Variants in ANAPC5 observed in about 807,000 individuals in gnomAD.
The protein encoded by ANAPC5 is anaphase-promoting complex subunit 5.
ANAPC5 carries 60 observed loss-of-function variants against 91.3 expected under a neutral mutation model. That is an observed-to-expected ratio of 0.66 (90% CI 0.53 to 0.81). ANAPC5 has a LOEUF of 0.81. Among genes scored for constraint, ANAPC5 ranks in the 40% least tolerant of loss-of-function variants. The pLI, the probability that ANAPC5 is intolerant of heterozygous loss-of-function variation, is 0.00. For missense variants in ANAPC5, 690 were observed against 931.5 expected, an observed-to-expected ratio of 0.74 and a Z score of 3.37; for synonymous variants, 340 against 364.1, an observed-to-expected ratio of 0.93 and a Z score of 0.75.
At chr12:121,311,241 C>G (rs866903693) in intron 15 of ANAPC5, among the ~76,000 whole-genome samples, 3 of 152,076 alleles carry the variant, frequency 2.0e-5, no homozygotes, top group African/African-American at 7.2e-5. Flanking sequence ...GCCTGGACGA[C>G]TGAGTGAGAC....
intron 5 of ANAPC5, among the ~76,000 whole-genome samples, chr12:121,341,008 T>C (rs1279854467): frequency 6.6e-6 from 1 of 151,220 alleles, no homozygotes; most frequent in African/African-American, 2.4e-5. Context: ...TCCAAGAAAA[T>C]GAAAAAATAT....
In ANAPC5 at chr12:121,347,892, G is replaced by C; in HGVS notation, c.208-11C>G. The C allele has an allele frequency of 6.4e-6, 10 of 1,570,864 alleles. No individual in the cohort carries two copies. The highest frequency in any genetic ancestry group is 7.9e-6 in the Non-Finnish European group (9 of 1,141,662). On this transcript the variant is annotated splice_polypyrimidine_tract_variant and intron_variant, in intron 1 of 16. Coordinates refer to ENST00000261819, the MANE Select transcript of ANAPC5 (RefSeq NM_016237.5). Reference sequence around the variant, plus strand: ...TGTAATATCTGGGCCCTGTGTAAAGGAGAGATAGGGAGGTATGGATTTTAA... The same window carrying C: ...TGTAATATCTGGGCCCTGTGTAAAGCAGAGATAGGGAGGTATGGATTTTAA...
chr12:121,310,933 C>CAAAAAAA (rs35742192), intron 15 of ANAPC5, among the ~76,000 whole-genome samples: 2 of 61,086 alleles, frequency 3.3e-5, no homozygotes, highest in East Asian at 4.7e-4. Flanking sequence ...GACTCCATCT[C>CAAAAAAA]AAAAAAAAAA....
chr12:121,319,719 T>A lies in ANAPC5; in HGVS notation c.1615A>T (p.Asn539Tyr). ...TACCTATAAACACCCTCTATGCTAT[T>A]GAGAGCTGTGATTCCTGTAACAAGT... is the stretch of plus-strand genomic sequence containing the variant. ...DSLVTGITAL[N>Y]SIEGVYRKAV... Residue 539 changes from asparagine (N) to tyrosine (Y), a missense_variant, in exon 13 of 17, where the codon AAT (asparagine) becomes TAT (tyrosine). Coordinates refer to ENST00000261819, the MANE Select transcript of ANAPC5 (RefSeq NM_016237.5). 6.2e-7 allele frequency: 1 copy of A among 1,611,952 alleles called. No homozygotes were observed. Among genetic ancestry groups the A allele is most frequent in the Admixed American group, 1.7e-5 (1 of 59,742 alleles).
At chr12:121,341,420 A>G (rs546567318) in intron 5 of ANAPC5, among the ~76,000 whole-genome samples, 9 of 152,164 alleles carry the variant, frequency 5.9e-5, no homozygotes, top group Non-Finnish European at 1.0e-4. Context: ...CAGGGACCCG[A>G]GATCATGCCA....
chr12:121,333,242 C>T (rs1397323121), intron 7 of ANAPC5: 1 of 152,108 alleles, frequency 6.6e-6, no homozygotes, highest in African/African-American at 2.4e-5. Flanking sequence ...TTTACCTGAA[C>T]CCAGGTGGCG....
chr12:121,331,221 C>G, intron 8 of ANAPC5, 126 bp downstream of exon 8: 1 of 692,330 alleles, frequency 1.4e-6, no homozygotes, highest in Non-Finnish European at 2.4e-6. Flanking sequence ...CCCATGACCA[C>G]CTAACTTGTT....
intron 10 of ANAPC5, 49 bp downstream of exon 10, chr12:121,328,267 C>T (rs1555272510): frequency 1.3e-6 from 2 of 1,579,804 alleles, no homozygotes; most frequent in Non-Finnish European, 8.7e-7. Context: ...CTTGCTAGCT[C>T]CTGCTTCTCT....
At chr12:121,317,402 T>C (rs1357692062) in intron 15 of ANAPC5, among the ~76,000 whole-genome samples, 1 of 151,770 alleles carries the variant, frequency 6.6e-6, no homozygotes, top group Non-Finnish European at 1.5e-5. Context: ...TACAGGCACG[T>C]GCCACCACGC....
At chr12:121,335,086 C>A (rs1407225042) in intron 7 of ANAPC5, 1 of 152,532 alleles carries the variant, frequency 6.6e-6, no homozygotes, top group Non-Finnish European at 1.5e-5. Context: ...TTTAAAAATG[C>A]ATCACAATTA....
At chr12:121,329,904 C>T (rs903388645) in intron 9 of ANAPC5, among the ~76,000 whole-genome samples, 2 of 152,180 alleles carry the variant, frequency 1.3e-5, no homozygotes, top group African/African-American at 4.8e-5. Context: ...TGTGAGCCAC[C>T]ACGCCCAGCC....
intron 3 of ANAPC5, chr12:121,346,335 TC>T (rs1903666103): frequency 8.5e-6 from 2 of 235,276 alleles, no homozygotes; most frequent in Admixed American, 5.6e-5. Context: ...ACCAACTGGC[TC>T]CCCCAACCAG....
At chr12:121,352,989 T>C (rs1443123996), upstream of ANAPC5, among the ~76,000 whole-genome samples, 22 of 152,198 alleles carry the variant, frequency 1.4e-4, no homozygotes, top group Non-Finnish European at 2.9e-4. Context: ...CCTTAAAGTA[T>C]GTATTTATTA....
At chr12:121,352,715 T>TGGTGGTGGTGGTGGTGGTGG (rs1555275616), upstream of ANAPC5, among the ~76,000 whole-genome samples, 42 of 30,630 alleles carry the variant, frequency 1.4e-3, no homozygotes, top group Admixed American at 6.2e-3. Flanking sequence ...TTGGTTGTTG[T>TGGTGGTGGTGGTGGTGGTGG]TGTTGGTGGT....
intron 4 of ANAPC5, among the ~76,000 whole-genome samples, chr12:121,343,012 A>G (rs2136811554): frequency 6.6e-6 from 1 of 152,360 alleles, no homozygotes; most frequent in Non-Finnish European, 1.5e-5. Context: ...ATTTAAATAT[A>G]AAGAATACAT....
chr12:121,348,565 T>C (rs1294829523), intron 1 of ANAPC5, among the ~76,000 whole-genome samples: 2 of 152,118 alleles, frequency 1.3e-5, no homozygotes, highest in Non-Finnish European at 2.9e-5. Context: ...CTTGGGAGGC[T>C]GAGGCGGGAG....
chr12:121,338,355 C>T (rs1275667929), intron 5 of ANAPC5, among the ~76,000 whole-genome samples: 3 of 151,752 alleles, frequency 2.0e-5, no homozygotes, highest in South Asian at 2.1e-4. Flanking sequence ...TTTGGGAGGC[C>T]GAGGAGGGCA....
upstream of ANAPC5, among the ~76,000 whole-genome samples, chr12:121,353,335 A>G (rs554216067): frequency 5.3e-5 from 8 of 152,312 alleles, no homozygotes; most frequent in Non-Finnish European, 1.2e-4. Context: ...CTGAATTATT[A>G]TTAATGATCT....
At chr12:121,335,788 G>C (rs1246920765) in intron 6 of ANAPC5, 65 bp from the exon 7 acceptor site, 1 of 1,391,858 alleles carries the variant, frequency 7.2e-7, no homozygotes, top group Non-Finnish European at 1.0e-6. Context: ...GACAACTGCA[G>C]AGAGTTCCAC....
Sources: allele counts gnomAD v4.1 joint callset (sites outside exome capture counted in the v4.1 genomes callset), GRCh38; gene constraint gnomAD v4.1.1; transcripts MANE v1.5; gene names NCBI Gene and HGNC (gene_info 2026-07-23, HGNC 2026-07-21).